The following TEAD3 variants were observed in gnomAD, a reference collection of about 807,000 sequenced individuals.
TEAD3 encodes the protein transcriptional enhancer factor TEF-5.
A neutral mutation model predicts 55.6 loss-of-function variants in TEAD3; 15 were observed. The ratio of observed to expected loss-of-function variants is 0.27; its 90% CI spans 0.18 to 0.42. The LOEUF is 0.42. Ranked by LOEUF, TEAD3 falls within the 10% of genes least tolerant of loss-of-function variation. The pLI, the probability that TEAD3 is intolerant of heterozygous loss-of-function variation, is 1.00. For synonymous variants in TEAD3, 210 were observed against 232.2 expected, an observed-to-expected ratio of 0.90 and a Z score of 0.87; for missense variants, 407 against 576.8, an observed-to-expected ratio of 0.71 and a Z score of 3.01.
At position 35,484,976 on chromosome 6, in the gene TEAD3, G is replaced by A. The variant is rs1768344271; in HGVS notation, c.203-352C>T. 6.6e-6 allele frequency among the ~76,000 whole-genome samples: 1 copy of A among 152,184 alleles called. No individual in the cohort carries two copies. The highest frequency in any genetic ancestry group is 1.5e-5 in the Non-Finnish European group (1 of 68,018). On this transcript the variant is annotated intron_variant, in intron 2 of 12. Transcript: ENST00000639578. The surrounding 1 kb of genome is among the most constrained non-coding windows in gnomAD (Gnocchi z 5.8). ...GTCAGCAGGACAGTAGCTGAGTAGG[G>A]CCTGTCCTGGCCAGGCACGCCCATC...
chr6:35,475,778 C>T lies in TEAD3; in HGVS notation c.901-72G>A, dbSNP rs190062381. 1,593 of 1,520,310 alleles carry T rather than the reference C, an allele frequency of 1.0e-3. 20 individuals carry two copies. In the South Asian group the frequency reaches 0.012, roughly 11 times the overall value. The allele number at this position is 1,520,310 out of a possible 1,614,324, so 94.2% of individuals were successfully genotyped here. A position where few individuals can be genotyped will look rare whatever the true frequency, so the allele number is the denominator to read the frequency against. On this transcript the variant is annotated intron_variant, in intron 10 of 12. Coordinates refer to ENST00000639578, the Ensembl canonical transcript of TEAD3. The surrounding 1 kb of genome is among the most constrained non-coding windows in gnomAD (Gnocchi z 5.4). Reference sequence around the variant, plus strand: ...TATTCCCGCCACACCACATCAGAGTCCTGCCCAAGGATCCATCTCTGGCAC... The same window carrying T: ...TATTCCCGCCACACCACATCAGAGTTCTGCCCAAGGATCCATCTCTGGCAC...
rs1279741370 is a variant in TEAD3 at position 35,491,640 on chromosome 6, C to T, written c.-49-4929G>A. Among the ~76,000 whole-genome samples, 1 of 152,208 alleles carries T rather than the reference C, an allele frequency of 6.6e-6. No homozygotes were observed. Among genetic ancestry groups the T allele is most frequent in the Admixed American group, 6.5e-5 (1 of 15,292 alleles). On this transcript the variant is annotated intron_variant, in intron 1 of 12. Transcript: ENST00000639578. This position sits in a 1 kb window ranked among gnomAD's most constrained non-coding sequence, Gnocchi z 4.4. ...CCTGTCCTGCAAACCCGCCAGCAGG[C>T]TGCAGACCCCCAGGGGACTCAGTCT...
At chr6:35,492,710 G>A (rs1244902483) in intron 1 of TEAD3, among the ~76,000 whole-genome samples, 1 of 151,524 alleles carries the variant, frequency 6.6e-6, no homozygotes, top group Non-Finnish European at 1.5e-5. Context: ...GGGAGCAGAG[G>A]GGGTTGGGAT....
intron 1 of TEAD3, among the ~76,000 whole-genome samples, chr6:35,492,601 T>G (rs1246342309): frequency 1.3e-5 from 2 of 148,968 alleles, no homozygotes; most frequent in Admixed American, 6.7e-5. Flanking sequence ...CCCTCCACTC[T>G]CTCCCCACCC....
In TEAD3 at chr6:35,486,655, G is replaced by A. The variant is rs1232511441; in HGVS notation, c.8C>T (p.Ser3Phe). The change falls in exon 2 of 13, where the codon TCC (serine) becomes TTC (phenylalanine). Residue 3 changes from serine to phenylalanine, a missense_variant. Physicochemically the swap from Ser to Phe is radical, Grantham distance 155. Coordinates refer to ENST00000639578, the Ensembl canonical transcript of TEAD3. The surrounding 1 kb of genome is among the most constrained non-coding windows in gnomAD (Gnocchi z 7.3). ...GCTGCTGCTGGCGTTCCAGCTGTTGGACGCTATTGTGCTGGTTGCTCTGGG... is the reference window on the plus strand; with the variant it reads ...GCTGCTGCTGGCGTTCCAGCTGTTGAACGCTATTGTGCTGGTTGCTCTGGG... 1 of 1,612,534 alleles carries A rather than the reference G, an allele frequency of 6.2e-7. No homozygotes were observed. The highest frequency in any genetic ancestry group is 2.2e-5 in the East Asian group (1 of 44,870).
rs377014095 is a variant in TEAD3 at position 35,495,415 on chromosome 6, C to A, written c.-50+1483G>T. 2.7e-3 allele frequency among the ~76,000 whole-genome samples: 414 copies of A among 152,312 alleles called. 2 individuals carry two copies. Among genetic ancestry groups the A allele is most frequent in the African/African-American group, 9.0e-3 (374 of 41,562 alleles). ...TGCGCTCATTAGCATTAATGACGTT[C>A]CCTCCCTGGGGGGGTAGGGGAAGGC... On this transcript the variant is annotated intron_variant, in intron 1 of 12. Transcript: ENST00000639578.
At position 35,491,102 on chromosome 6, in the gene TEAD3, CAG is replaced by C; in HGVS notation, c.-49-4393_-49-4392del. Among the ~76,000 whole-genome samples the C allele has an allele frequency of 6.6e-6, 1 of 151,878 alleles. No individual in the cohort carries two copies. The highest frequency in any genetic ancestry group is 1.9e-4 in the East Asian group (1 of 5,146). ...AGGTGAACCCAGAGAGAAAACAGAC[CAG>C]AGACAGGAGAGTCCCAGTGAGTGAC... On this transcript the variant is annotated intron_variant, in intron 1 of 12. Coordinates refer to ENST00000639578, the Ensembl canonical transcript of TEAD3. This position sits in a 1 kb window ranked among gnomAD's most constrained non-coding sequence, Gnocchi z 4.4.
rs373470644 is a variant in TEAD3, at chr6:35,496,209, A to C, written c.-50+689T>G. Among the ~76,000 whole-genome samples the C allele has an allele frequency of 6.6e-6, 1 of 152,334 alleles. No individual in the cohort carries two copies. The highest frequency in any genetic ancestry group is 1.9e-4 in the East Asian group (1 of 5,166). On this transcript the variant is annotated intron_variant, in intron 1 of 12. Coordinates refer to ENST00000639578, the Ensembl canonical transcript of TEAD3. The surrounding 1 kb of genome is among the most constrained non-coding windows in gnomAD (Gnocchi z 4.8). ...GGGCCCTGAGCAAGTGTGGGGAAGAAAAGGCCCCAAATCCAGACCCCTCCG... is the reference window on the plus strand; with the variant it reads ...GGGCCCTGAGCAAGTGTGGGGAAGACAAGGCCCCAAATCCAGACCCCTCCG...
intron 1 of TEAD3, among the ~76,000 whole-genome samples, chr6:35,492,440 TCCC>T (rs1214691275): frequency 5.3e-5 from 8 of 151,432 alleles, no homozygotes; most frequent in Non-Finnish European, 1.2e-4. Context: ...TGTATCTGTC[TCCC>T]CCACCTCCAG....
chr6:35,474,701 G>C (rs553697374), downstream of TEAD3: 380 of 255,828 alleles, frequency 1.5e-3, 1 homozygote, highest in Middle Eastern at 0.015. Context: ...CTCCCCCAAG[G>C]GTGGGTGGGG....
Position 35,486,411 on chromosome 6 carries a change from A to C in TEAD3, c.202+50T>G, listed in dbSNP as rs1200767732. On this transcript the variant is annotated intron_variant, in intron 2 of 12. Coordinates refer to ENST00000639578, the Ensembl canonical transcript of TEAD3. This position sits in a 1 kb window ranked among gnomAD's most constrained non-coding sequence, Gnocchi z 7.3. ...CACCAAACCGGTTGGGTGAGAGGGC[A>C]GAGAGCAGGGGGAAGGGCCGCAGTC... 25 of 1,569,052 alleles carry C rather than the reference A, an allele frequency of 1.6e-5. No homozygotes were observed. Among genetic ancestry groups the C allele is most frequent in the Non-Finnish European group, 1.9e-5 (22 of 1,153,242 alleles).
intron 9 of TEAD3, 94 bp downstream of exon 9, chr6:35,476,208 C>A (rs189339309): frequency 8.8e-5 from 137 of 1,554,798 alleles, no homozygotes; most frequent in Non-Finnish European, 1.2e-4. Context: ...CAGGCCAGAC[C>A]CCCAACCCCC....
chr6:35,476,290 C>A lies in TEAD3; in HGVS notation c.726+12G>T. 6.2e-7 allele frequency: 1 copy of A among 1,611,046 alleles called. No individual in the cohort carries two copies. ...TTGTGCAAAGCCTCACCCTCACCCC[C>A]AAACACGTTACCGTGTCAGGGTCTC... On this transcript the variant is annotated intron_variant, in intron 9 of 12. Transcript: ENST00000639578.
Position 35,491,124 on chromosome 6 carries a change from A to G in TEAD3, c.-49-4413T>C, listed in dbSNP as rs1768507656. ...GACCAGAGACAGGAGAGTCCCAGTGAGTGACAGACAGAAAGCCCAACCCAG... is the reference window on the plus strand; with the variant it reads ...GACCAGAGACAGGAGAGTCCCAGTGGGTGACAGACAGAAAGCCCAACCCAG... On this transcript the variant is annotated intron_variant, in intron 1 of 12. Transcript: ENST00000639578. This position sits in a 1 kb window ranked among gnomAD's most constrained non-coding sequence, Gnocchi z 4.4. Among the ~76,000 whole-genome samples the G allele has an allele frequency of 1.3e-5, 2 of 151,976 alleles. No homozygotes were observed. Among genetic ancestry groups the G allele is most frequent in the African/African-American group, 2.4e-5 (1 of 41,338 alleles).
At chr6:35,494,323 G>C (rs956550653) in intron 1 of TEAD3, among the ~76,000 whole-genome samples, 1 of 152,218 alleles carries the variant, frequency 6.6e-6, no homozygotes, top group East Asian at 1.9e-4. Flanking sequence ...TGTGCAGGGG[G>C]ATGAACCTCT....
intron 1 of TEAD3, among the ~76,000 whole-genome samples, chr6:35,493,801 G>A (rs556075498): frequency 2.2e-4 from 33 of 152,312 alleles, no homozygotes; most frequent in African/African-American, 7.7e-4. Context: ...ACACAGCATC[G>A]TGCGAGTGCG....
intron 3 of TEAD3, among the ~76,000 whole-genome samples, chr6:35,482,680 G>A (rs1768287558): frequency 6.6e-6 from 1 of 152,156 alleles, no homozygotes; most frequent in Non-Finnish European, 1.5e-5. Context: ...GGGAGGCTGA[G>A]GCGGGAGGAC....
In TEAD3 at chr6:35,488,137, A is replaced by C. The variant is rs911972360; in HGVS notation, c.-49-1426T>G. ...AGGAACTGCCCCAGGAATTACAAAA[A>C]GGGAACTGGTGAGGGAGCAGCAGAG... On this transcript the variant is annotated intron_variant, in intron 1 of 12. Transcript: ENST00000639578. The surrounding 1 kb of genome is among the most constrained non-coding windows in gnomAD (Gnocchi z 4.2). Among the ~76,000 whole-genome samples, 19 of 152,224 alleles carry C rather than the reference A, an allele frequency of 1.2e-4. No individual in the cohort carries two copies. Among genetic ancestry groups the C allele is most frequent in the African/African-American group, 4.3e-4 (18 of 41,450 alleles).
At position 35,486,575 on chromosome 6, in the gene TEAD3, C is replaced by T; in HGVS notation, c.88G>A (p.Asp30Asn). Residue 30 changes from aspartate to asparagine, a missense_variant, in exon 2 of 13, where the codon GAT (aspartate) becomes AAT (asparagine). Transcript: ENST00000639578. This position sits in a 1 kb window ranked among gnomAD's most constrained non-coding sequence, Gnocchi z 7.3. ...TCCGGGCTCCACACGCCCTCCGCAT[C>T]GTTGTCCAGCCCCTTGTCCAGGCCC... The T allele has an allele frequency of 3.1e-6, 5 of 1,613,574 alleles. No homozygotes were observed. The highest frequency in any genetic ancestry group is 4.2e-6 in the Non-Finnish European group (5 of 1,179,784).
Sources: allele counts gnomAD v4.1 joint callset (sites outside exome capture counted in the v4.1 genomes callset), GRCh38; gene constraint gnomAD v4.1.1; non-coding constraint Gnocchi (gnomAD v3.1); transcripts MANE v1.5; gene names NCBI Gene and HGNC (gene_info 2026-07-23, HGNC 2026-07-21).